The following COL14A1 variants were observed in gnomAD, a reference collection of about 807,000 sequenced individuals.
COL14A1 encodes the protein collagen alpha-1(XIV) chain.
COL14A1 carries 136 observed loss-of-function variants against 230.3 expected under a neutral mutation model. The ratio of observed to expected loss-of-function variants is 0.59; its 90% CI spans 0.51 to 0.68. The LOEUF is 0.68. COL14A1 is among the 30% of genes least tolerant of loss of function. The pLI is 0.00. For synonymous variants in COL14A1, 792 were observed against 784.1 expected (o/e 1.01, Z -0.17); for missense variants, 1,976 against 2,215.8 (o/e 0.89, Z 2.17).
intron 37 of COL14A1, among the ~76,000 whole-genome samples, chr8:120,312,045 A>G (rs1821060866): frequency 6.6e-6 from 1 of 152,074 alleles, no homozygotes; most frequent in Admixed American, 6.6e-5. Flanking sequence ...TGCCGTGAGC[A>G]GAGATCACAC....
chr8:120,270,238 C>T (rs534934317), intron 26 of COL14A1, 64 bp downstream of exon 26: 10 of 1,475,362 alleles, frequency 6.8e-6, no homozygotes, highest in Non-Finnish European at 9.2e-6. Context: ...GCTCTTATTA[C>T]AGCTACTTGT....
chr8:120,319,283 A>G, intron 40 of COL14A1, among the ~76,000 whole-genome samples: 1 of 152,036 alleles, frequency 6.6e-6, no homozygotes, highest in Non-Finnish European at 1.5e-5. Flanking sequence ...CAGCCTACCA[A>G]GTAGCTGGGA....
intron 5 of COL14A1, among the ~76,000 whole-genome samples, chr8:120,194,150 C>G (rs1434693106): frequency 6.6e-6 from 1 of 152,226 alleles, no homozygotes; most frequent in Non-Finnish European, 1.5e-5. Flanking sequence ...GTCACTCACA[C>G]TGGAAGCTGT....
Position 120,215,093 on chromosome 8 carries a change from G to T in COL14A1, c.1598-1258G>T, listed in dbSNP as rs372494602. Among the ~76,000 whole-genome samples, 7 of 152,354 alleles carry T rather than the reference G, an allele frequency of 4.6e-5. 1 individual carries two copies. Among genetic ancestry groups the T allele is most frequent in the African/African-American group, 1.7e-4 (7 of 41,586 alleles). The stretch of plus-strand genomic sequence containing the variant: ...GGGCCATAAAGACCATTCTAGGCTT[G>T]CTGCGGTGGCTCACGCCTGTAGTGC... On this transcript the variant is annotated intron_variant, in intron 13 of 47. Transcript: ENST00000297848.
In COL14A1 at chr8:120,228,874, TC is replaced by T. The variant is rs999255374; in HGVS notation, c.2197+108del. On this transcript the variant is annotated intron_variant, in intron 18 of 47. Coordinates refer to ENST00000297848, the MANE Select transcript of COL14A1 (RefSeq NM_021110.4). ...TATTAACTAGGAAAAGAGATGACCC[TC>T]CCTTCCTTTTCTGGCACACTGGTTC... 4.1e-5 allele frequency: 41 copies of T among 988,478 alleles called. No homozygotes were observed. The African/African-American group carries it at 6.6e-4, about 16-fold the overall frequency. 61.2% of individuals were successfully genotyped at this position (988,478 alleles called of 1,614,324 possible).
At chr8:120,203,630 G>A (rs898270467) in intron 8 of COL14A1, 79 bp from the exon 9 acceptor site, 7 of 1,353,698 alleles carry the variant, frequency 5.2e-6, no homozygotes, top group Non-Finnish European at 7.2e-6. Context: ...TGACTGACTG[G>A]GTCAGATCAG....
At chr8:120,143,569 T>G (rs1350695827) in intron 1 of COL14A1, among the ~76,000 whole-genome samples, 1 of 152,104 alleles carries the variant, frequency 6.6e-6, no homozygotes, top group South Asian at 2.1e-4. Flanking sequence ...AGGCAGAGGT[T>G]GCAGTGGGCC....
At chr8:120,270,578 A>G (rs992200651) in intron 26 of COL14A1, among the ~76,000 whole-genome samples, 9 of 151,838 alleles carry the variant, frequency 5.9e-5, no homozygotes, top group Admixed American at 1.3e-4. Context: ...TTTAAAAAAT[A>G]TGTATCAAGG....
At position 120,306,450 on chromosome 8, in the gene COL14A1, C is replaced by T. The variant is rs80112937; in HGVS notation, c.4402-3559C>T. Among the ~76,000 whole-genome samples the T allele has an allele frequency of 9.2e-3, 1,397 of 152,070 alleles. 24 individuals are homozygous for T. The highest frequency in any genetic ancestry group is 0.032 in the African/African-American group (1,324 of 41,496). On this transcript the variant is annotated intron_variant, in intron 36 of 47. Coordinates refer to ENST00000297848, the MANE Select transcript of COL14A1 (RefSeq NM_021110.4). Reference sequence around the variant, plus strand: ...AGGAAATTTTGTATTCTAAATAAAGCGTAATAAACTAAGAAATAGTATCCT... The same window carrying T: ...AGGAAATTTTGTATTCTAAATAAAGTGTAATAAACTAAGAAATAGTATCCT...
intron 25 of COL14A1, among the ~76,000 whole-genome samples, chr8:120,268,772 A>G (rs866838773): frequency 3.3e-5 from 5 of 151,608 alleles, no homozygotes; most frequent in Admixed American, 6.6e-5. Context: ...ATGTGGATAT[A>G]TTTTCTTTCT....
chr8:120,204,398 A>G (rs1423933292), intron 9 of COL14A1, among the ~76,000 whole-genome samples: 1 of 152,190 alleles, frequency 6.6e-6, no homozygotes, highest in Non-Finnish European at 1.5e-5. Flanking sequence ...CATGTCAAAA[A>G]TATTACGTGA....
chr8:120,163,188 A>G (rs1803957450), intron 4 of COL14A1, among the ~76,000 whole-genome samples: 1 of 152,206 alleles, frequency 6.6e-6, no homozygotes, highest in South Asian at 2.1e-4. Flanking sequence ...GCCAGTCTCC[A>G]TGATAAGCTG....
chr8:120,313,938 G>A lies in COL14A1; in HGVS notation c.4462G>A (p.Asp1488Asn). Residue 1488 changes from aspartate (D) to asparagine (N), a missense_variant, in exon 38 of 48, where the codon GAT (aspartate) becomes AAT (asparagine). This residue lies in a region of COL14A1 where 1,791 missense variants were observed against 2,019.5 expected (regional missense o/e 0.89). Coordinates refer to ENST00000297848, the MANE Select transcript of COL14A1 (RefSeq NM_021110.4). ...CTTCTCTCTTGCCTTCCAGGGACCA[G>A]ATGGCCCTCGGGGTGAAATTGGTCT... ...QQGEPGPKGP[D>N]GPRGEIGLPG... 1 of 1,611,102 alleles carries A rather than the reference G, an allele frequency of 6.2e-7. No homozygotes were observed. Among genetic ancestry groups the A allele is most frequent in the Non-Finnish European group, 8.5e-7 (1 of 1,178,386 alleles).
At chr8:120,291,202 T>C (rs1180909498) in intron 34 of COL14A1, among the ~76,000 whole-genome samples, 1 of 152,062 alleles carries the variant, frequency 6.6e-6, no homozygotes, top group East Asian at 1.9e-4. Context: ...ACTAAGGATA[T>C]CTTGTATGGA....
chr8:120,298,775 C>G (rs928105529), intron 35 of COL14A1, among the ~76,000 whole-genome samples: 53 of 150,900 alleles, frequency 3.5e-4, no homozygotes, highest in African/African-American at 1.2e-3. Context: ...TTCATGAAGT[C>G]TGTGAGATTT....
intron 26 of COL14A1, among the ~76,000 whole-genome samples, chr8:120,272,821 G>A (rs1414732529): frequency 6.6e-6 from 1 of 151,600 alleles, no homozygotes; most frequent in African/African-American, 2.4e-5. Flanking sequence ...GACCTAAGAA[G>A]TAAGACAACA....
chr8:120,243,050 T>G (rs1160045844), intron 19 of COL14A1, among the ~76,000 whole-genome samples: 1 of 152,196 alleles, frequency 6.6e-6, no homozygotes, highest in Non-Finnish European at 1.5e-5. Flanking sequence ...ATTAAGTTCT[T>G]TAAATGGCCC....
intron 45 of COL14A1, among the ~76,000 whole-genome samples, chr8:120,362,822 A>T (rs1184877072): frequency 6.6e-6 from 1 of 152,134 alleles, no homozygotes; most frequent in Non-Finnish European, 1.5e-5. Context: ...GAGGGAGGGG[A>T]CTTCTTTCTG....
At chr8:120,128,976 T>C (rs7838551) in intron 1 of COL14A1, among the ~76,000 whole-genome samples, 20,770 of 152,090 alleles carry the variant, frequency 0.14, 3,311 homozygotes, top group African/African-American at 0.38. Context: ...AAGATCTATT[T>C]CTGGGTGGCC....
Sources: allele counts gnomAD v4.1 joint callset (sites outside exome capture counted in the v4.1 genomes callset), GRCh38; gene constraint gnomAD v4.1.1; regional missense constraint gnomAD v4.1.1; transcripts MANE v1.5; gene names NCBI Gene and HGNC (gene_info 2026-07-23, HGNC 2026-07-21).